Variants in NWD2 observed in about 807,000 individuals in gnomAD.
The protein encoded by NWD2 is NACHT and WD repeat domain containing 2, also known as NACHT and WD repeat domain-containing protein 2.
Under a neutral mutation model 132.7 loss-of-function variants are expected in NWD2, and 37 were observed. The ratio of observed to expected loss-of-function variants is 0.28; its 90% CI spans 0.21 to 0.37. The LOEUF is 0.37. NWD2 is among the 10% of genes least tolerant of loss of function. The pLI is 1.00. For missense variants in NWD2, 1,592 were observed against 2,122.4 expected, an observed-to-expected ratio of 0.75 and a Z score of 4.91; for synonymous variants, 705 against 803.0, an observed-to-expected ratio of 0.88 and a Z score of 2.06.
rs116162070 is a variant in NWD2, at chr4:37,285,896, T to C, written c.152-40040T>C. ...TTAAAAGTTACTTTAGTGTCACTTA[T>C]ACTGAAAAGAATTTCAGTCTGATTT... On this transcript the variant is annotated intron_variant, in intron 1 of 6. Transcript: ENST00000309447. Among the ~76,000 whole-genome samples the C allele has an allele frequency of 3.8e-3, 583 of 152,342 alleles. 4 individuals carry two copies. Among genetic ancestry groups the C allele is most frequent in the African/African-American group, 0.013 (544 of 41,572 alleles).
chr4:37,436,168 A>G (rs575510498), intron 5 of NWD2, among the ~76,000 whole-genome samples: 1 of 152,294 alleles, frequency 6.6e-6, no homozygotes, highest in African/African-American at 2.4e-5. Context: ...AGGACTGGAA[A>G]CCTATTTCCA....
Position 37,260,022 on chromosome 4 carries a change from ACT to A in NWD2, c.151+14809_151+14810del, listed in dbSNP as rs1423810088. Among the ~76,000 whole-genome samples, 8 of 152,146 alleles carry A rather than the reference ACT, an allele frequency of 5.3e-5. No homozygotes were observed. The East Asian group carries it at 1.6e-3, about 29-fold the overall frequency. On this transcript the variant is annotated intron_variant, in intron 1 of 6. Coordinates refer to ENST00000309447, the MANE Select transcript of NWD2 (RefSeq NM_001144990.2). The stretch of plus-strand genomic sequence containing the variant: ...TTGGGGACAAGTTAGGAACCTTGCC[ACT>A]CTCTATAACATTATTTTTATGGGCA...
intron 1 of NWD2, among the ~76,000 whole-genome samples, chr4:37,284,211 G>A (rs891047038): frequency 1.6e-4 from 24 of 152,116 alleles, no homozygotes; most frequent in South Asian, 2.1e-4. Context: ...TGGTTCGTAG[G>A]TGGCACATGG....
chr4:37,416,129 C>G (rs1711590520), intron 3 of NWD2, among the ~76,000 whole-genome samples: 1 of 152,130 alleles, frequency 6.6e-6, no homozygotes, highest in South Asian at 2.1e-4. Flanking sequence ...CACAAGGCAG[C>G]AGGAGAAGTG....
chr4:37,396,375 G>A (rs1720791781), intron 3 of NWD2, among the ~76,000 whole-genome samples: 1 of 152,210 alleles, frequency 6.6e-6, no homozygotes. Context: ...ACTCTGTCAT[G>A]CCTTCTAATT....
intron 3 of NWD2, among the ~76,000 whole-genome samples, chr4:37,377,167 A>C (rs1425832905): frequency 1.3e-5 from 2 of 152,204 alleles, no homozygotes; most frequent in Admixed American, 6.5e-5. Flanking sequence ...ACCAAACTCA[A>C]TGGCAGATGC....
At chr4:37,415,844 G>A (rs1290099779) in intron 3 of NWD2, among the ~76,000 whole-genome samples, 1 of 152,124 alleles carries the variant, frequency 6.6e-6, no homozygotes, top group African/African-American at 2.4e-5. Context: ...TAATGACGCT[G>A]ATATCACCAT....
At chr4:37,435,123 A>G (rs2109327723) in intron 5 of NWD2, among the ~76,000 whole-genome samples, 1 of 152,326 alleles carries the variant, frequency 6.6e-6, no homozygotes, top group East Asian at 1.9e-4. Context: ...GAAATTACAG[A>G]ACTGAAGGAA....
intron 1 of NWD2, among the ~76,000 whole-genome samples, chr4:37,277,500 A>C (rs1045173328): frequency 6.6e-6 from 1 of 151,588 alleles, no homozygotes; most frequent in African/African-American, 2.4e-5. Context: ...TTCACTGATT[A>C]TTTTTATTCT....
intron 1 of NWD2, among the ~76,000 whole-genome samples, chr4:37,298,560 A>T (rs1718546972): frequency 6.6e-6 from 1 of 152,130 alleles, no homozygotes; most frequent in Non-Finnish European, 1.5e-5. Context: ...AGGTAGGTAG[A>T]TGGGTAGGGT....
At chr4:37,278,449 G>T (rs1414835595) in intron 1 of NWD2, among the ~76,000 whole-genome samples, 1 of 152,160 alleles carries the variant, frequency 6.6e-6, no homozygotes, top group African/African-American at 2.4e-5. Context: ...TGCCAGCCTC[G>T]TGGCTTACCC....
chr4:37,271,009 C>A (rs994073026), intron 1 of NWD2, among the ~76,000 whole-genome samples: 13 of 151,862 alleles, frequency 8.6e-5, no homozygotes, highest in Admixed American at 7.9e-4. Flanking sequence ...TTCTTTTCCC[C>A]CATTGAATTG....
At chr4:37,283,279 T>C (rs538005745) in intron 1 of NWD2, among the ~76,000 whole-genome samples, 1 of 152,360 alleles carries the variant, frequency 6.6e-6, no homozygotes, top group East Asian at 1.9e-4. Flanking sequence ...CAATATATTA[T>C]GGCTTTAGGA....
At chr4:37,301,693 A>G (rs1718615460) in intron 1 of NWD2, among the ~76,000 whole-genome samples, 1 of 151,370 alleles carries the variant, frequency 6.6e-6, no homozygotes. Context: ...TCTTATTTGT[A>G]TTCTTTTATT....
chr4:37,286,398 CA>C, intron 1 of NWD2, among the ~76,000 whole-genome samples: 1 of 152,182 alleles, frequency 6.6e-6, no homozygotes, highest in Non-Finnish European at 1.5e-5. Context: ...TCTTGCCATG[CA>C]TGCTACATTC....
chr4:37,273,236 C>T (rs1470562242), intron 1 of NWD2, among the ~76,000 whole-genome samples: 1 of 151,706 alleles, frequency 6.6e-6, no homozygotes, highest in Non-Finnish European at 1.5e-5. Flanking sequence ...GCCTTCTAGC[C>T]CTCATTGCTT....
At chr4:37,290,058 T>TA (rs1718326848) in intron 1 of NWD2, among the ~76,000 whole-genome samples, 1 of 152,240 alleles carries the variant, frequency 6.6e-6, no homozygotes, top group South Asian at 2.1e-4. Context: ...AGCCATCTTC[T>TA]AAGCCCTTTC....
At position 37,445,321 on chromosome 4, in the gene NWD2, G is replaced by A. The variant is rs1172034302; in HGVS notation, c.3333G>A (p.Leu1111=). ...VTCVQCSLDG[L]YAFCGQYLNT... ...GCGTCCAGTGCTCCCTGGATGGTCT[G>A]TATGCTTTCTGTGGCCAATACCTGA... Residue 1111 remains leucine, a synonymous_variant, in exon 7 of 7, where the codon CTG becomes CTA. Coordinates refer to ENST00000309447, the MANE Select transcript of NWD2 (RefSeq NM_001144990.2). This position sits in a 1 kb window ranked among gnomAD's most constrained non-coding sequence, Gnocchi z 4.7. The A allele has an allele frequency of 2.6e-6, 4 of 1,552,112 alleles. No homozygotes were observed. The highest frequency in any genetic ancestry group is 3.5e-6 in the Non-Finnish European group (4 of 1,147,096).
intron 1 of NWD2, among the ~76,000 whole-genome samples, chr4:37,290,507 A>G (rs555991051): frequency 6.6e-6 from 1 of 152,190 alleles, no homozygotes; most frequent in Non-Finnish European, 1.5e-5. Flanking sequence ...GATATAACTT[A>G]GTCCTTCTGG....
Sources: allele counts gnomAD v4.1 joint callset (sites outside exome capture counted in the v4.1 genomes callset), GRCh38; gene constraint gnomAD v4.1.1; non-coding constraint Gnocchi (gnomAD v3.1); transcripts MANE v1.5; gene names NCBI Gene and HGNC (gene_info 2026-07-23, HGNC 2026-07-21).